EIF4B: variants seen among roughly 807,000 people sequenced by gnomAD.
EIF4B encodes the protein eukaryotic translation initiation factor 4B.
Under a neutral mutation model 79.3 loss-of-function variants are expected in EIF4B, and 8 were observed. That is an observed-to-expected ratio of 0.10 (90% CI 0.06 to 0.18). The LOEUF is 0.18. Among genes scored for constraint, EIF4B ranks in the 10% least tolerant of loss-of-function variants. The probability of loss-of-function intolerance (pLI) is 1.00; values close to 1 mark genes in which losing one functional copy is unlikely to be tolerated. For missense variants in EIF4B, 515 were observed against 792.4 expected, an observed-to-expected ratio of 0.65 and a Z score of 4.20; for synonymous variants, 238 against 274.7, an observed-to-expected ratio of 0.87 and a Z score of 1.32.
At chr12:53,019,675 C>CCT (rs1943216434) in intron 3 of EIF4B, among the ~76,000 whole-genome samples, 1 of 132,340 alleles carries the variant, frequency 7.6e-6, no homozygotes. Flanking sequence ...CTGAATTAAT[C>CCT]TTTTTTTTTT....
At chr12:53,006,872 C>G (rs1242814468) in intron 1 of EIF4B, among the ~76,000 whole-genome samples, 1 of 150,452 alleles carries the variant, frequency 6.6e-6, no homozygotes, top group African/African-American at 2.4e-5. Context: ...GGTTGCTGCG[C>G]GGACGAGTGC....
intron 1 of EIF4B, 78 bp from the exon 2 acceptor site, chr12:53,016,395 G>C: frequency 6.4e-7 from 1 of 1,566,646 alleles, no homozygotes; most frequent in Non-Finnish European, 8.7e-7. Context: ...TCTAAATAAT[G>C]TTTTACAATA....
intron 13 of EIF4B, 109 bp from the exon 14 acceptor site, chr12:53,039,520 GA>G (rs1943594301): frequency 7.6e-7 from 1 of 1,320,148 alleles, no homozygotes; most frequent in South Asian, 1.3e-5. Flanking sequence ...AGACAACAAG[GA>G]CTGTTGACTA....
At position 53,040,466 on chromosome 12, in the gene EIF4B, A is replaced by T; in HGVS notation, c.*243A>T. 1 of 413,368 alleles carries T rather than the reference A, an allele frequency of 2.4e-6. No homozygotes were observed. Among genetic ancestry groups the T allele is most frequent in the Non-Finnish European group, 4.4e-6 (1 of 225,424 alleles). 25.6% of individuals were successfully genotyped at this position (413,368 alleles called of 1,614,324 possible). A position where few individuals can be genotyped will look rare whatever the true frequency, so the allele number is the denominator to read the frequency against. On this transcript the variant is annotated 3_prime_UTR_variant, in exon 15 of 15. Transcript: ENST00000262056. ...AGGGACTACAGCTTTTTAGAGGAAA[A>T]GTTGTGGTGCGTTATGTCACCATGC... is the stretch of plus-strand genomic sequence containing the variant.
chr12:53,012,978 A>G (rs1240691050), intron 1 of EIF4B, among the ~76,000 whole-genome samples: 3 of 152,188 alleles, frequency 2.0e-5, no homozygotes, highest in Non-Finnish European at 4.4e-5. Context: ...TTGAAAAGAC[A>G]TTCTAAGATT....
At position 53,037,395 on chromosome 12, in the gene EIF4B, C is replaced by A. The variant is rs1331103574; in HGVS notation, c.1307-14C>A. Reference sequence around the variant, plus strand: ...GCAGCCTGATAATTTGATATTTTCACTCTGGCTTCACAGATGCACGAAGGA... The same window carrying A: ...GCAGCCTGATAATTTGATATTTTCAATCTGGCTTCACAGATGCACGAAGGA... On this transcript the variant is annotated splice_polypyrimidine_tract_variant and intron_variant, in intron 10 of 14. Coordinates refer to ENST00000262056, the MANE Select transcript of EIF4B (RefSeq NM_001417.7). 6.2e-7 allele frequency: 1 copy of A among 1,608,032 alleles called. No individual in the cohort carries two copies. Among genetic ancestry groups the A allele is most frequent in the African/African-American group, 1.3e-5 (1 of 74,802 alleles).
In EIF4B at chr12:53,040,499, A is replaced by G. The variant is rs943596226; in HGVS notation, c.*276A>G. ...TGCGTTATGTCACCATGCAGTTGCC[A>G]GTGTGATTAGTGCCTAGGGGTCTCC... is the stretch of plus-strand genomic sequence containing the variant. On this transcript the variant is annotated 3_prime_UTR_variant, in exon 15 of 15. Transcript: ENST00000262056. The G allele has an allele frequency of 3.0e-6, 1 of 337,806 alleles. No homozygotes were observed. The highest frequency in any genetic ancestry group is 5.6e-6 in the Non-Finnish European group (1 of 179,748). The allele number at this position is 337,806 out of a possible 1,614,324, so 20.9% of individuals were successfully genotyped here.
intron 4 of EIF4B, among the ~76,000 whole-genome samples, chr12:53,020,324 T>C (rs1313468679): frequency 1.3e-5 from 2 of 152,242 alleles, no homozygotes; most frequent in Non-Finnish European, 2.9e-5. Flanking sequence ...CAGTGTTGCC[T>C]CAACTCTTAT....
Position 53,034,040 on chromosome 12 carries a change from T to C in EIF4B, c.1208+6T>C, listed in dbSNP as rs750624593. On this transcript the variant is annotated splice_donor_region_variant and intron_variant, in intron 9 of 14. Transcript: ENST00000262056. ...GAACGACGGCCTCGGGAGAGGTGTG[T>C]TGTCTTGATGGATATCCCATCTAGG... 6.2e-7 allele frequency: 1 copy of C among 1,604,706 alleles called. No individual in the cohort carries two copies. Among genetic ancestry groups the C allele is most frequent in the South Asian group, 1.1e-5 (1 of 89,666 alleles).
chr12:53,038,254 T>C lies in EIF4B; in HGVS notation c.1521-102T>C, dbSNP rs751142315. The C allele has an allele frequency of 5.0e-6, 5 of 999,598 alleles. No individual in the cohort carries two copies. In the South Asian group the frequency reaches 8.0e-5, roughly 16 times the overall value. 61.9% of individuals were successfully genotyped at this position (999,598 alleles called of 1,614,324 possible). The stretch of plus-strand genomic sequence containing the variant: ...TTCCATAACATTGAGTATGATTTTG[T>C]TTTCTATAAAGCTTACCCACTGCAT... On this transcript the variant is annotated intron_variant, in intron 11 of 14. Transcript: ENST00000262056.
chr12:53,008,297 C>T (rs1040387997), intron 1 of EIF4B, among the ~76,000 whole-genome samples: 1 of 152,232 alleles, frequency 6.6e-6, no homozygotes, highest in Non-Finnish European at 1.5e-5. Flanking sequence ...ACGTCCCATT[C>T]TCTTGTTCTT....
intron 2 of EIF4B, among the ~76,000 whole-genome samples, chr12:53,017,412 G>A (rs1943166004): frequency 6.6e-6 from 1 of 152,130 alleles, no homozygotes; most frequent in Admixed American, 6.6e-5. Flanking sequence ...ATTATGGTGG[G>A]AAAATAAAGA....
chr12:53,034,839 G>A (rs1943510601), intron 10 of EIF4B, 130 bp downstream of exon 10: 4 of 938,296 alleles, frequency 4.3e-6, no homozygotes, highest in Middle Eastern at 2.2e-4. Context: ...TGGGCCGATT[G>A]GAGTTTCATA....
intron 9 of EIF4B, among the ~76,000 whole-genome samples, chr12:53,034,394 A>G (rs956250565): frequency 2.6e-5 from 4 of 152,246 alleles, no homozygotes; most frequent in Non-Finnish European, 4.4e-5. Context: ...ATTATGTAGG[A>G]TACTGTTCTT....
intron 6 of EIF4B, among the ~76,000 whole-genome samples, chr12:53,027,506 T>G (rs1943357174): frequency 6.6e-6 from 1 of 152,110 alleles, no homozygotes; most frequent in Non-Finnish European, 1.5e-5. Flanking sequence ...CTGTATTGTT[T>G]TAGTGTCTTG....
intron 6 of EIF4B, among the ~76,000 whole-genome samples, chr12:53,027,137 A>ATTTTTTTTTTTT (rs71095967): frequency 1.2e-4 from 3 of 25,744 alleles, no homozygotes; most frequent in African/African-American, 2.5e-4. Context: ...AAAAAAAAAA[A>ATTTTTTTTTTTT]TTTTTTTTTT....
At chr12:53,022,793 G>A (rs925281695) in intron 6 of EIF4B, among the ~76,000 whole-genome samples, 166 bp downstream of exon 6, 7 of 152,154 alleles carry the variant, frequency 4.6e-5, no homozygotes, top group African/African-American at 1.7e-4. Context: ...TGCAGGAAAC[G>A]AATTTGATAA....
At position 53,040,837 on chromosome 12, in the gene EIF4B, G is replaced by A. The variant is rs1207975586; in HGVS notation, c.*614G>A. 4.6e-5 allele frequency: 7 copies of A among 151,200 alleles called. No individual in the cohort carries two copies. The highest frequency in any genetic ancestry group is 6.6e-5 in the Admixed American group (1 of 15,132). 9.4% of individuals were successfully genotyped at this position (151,200 alleles called of 1,614,324 possible). On this transcript the variant is annotated 3_prime_UTR_variant, in exon 15 of 15. Coordinates refer to ENST00000262056, the MANE Select transcript of EIF4B (RefSeq NM_001417.7). ...GGGGTAGTTGGGAGTGAGACTATAGGCCATAAAGAATGGGACTGCATTGGA... is the reference window on the plus strand; with the variant it reads ...GGGGTAGTTGGGAGTGAGACTATAGACCATAAAGAATGGGACTGCATTGGA...
At chr12:53,037,658 A>C in intron 11 of EIF4B, 36 bp downstream of exon 11, 1 of 1,604,666 alleles carries the variant, frequency 6.2e-7, no homozygotes. Context: ...GGTTAACTGC[A>C]GATTCTAAAA....
Sources: gnomAD v4.1 joint callset for allele counts (sites outside exome capture counted in the v4.1 genomes callset) on GRCh38, gnomAD v4.1.1 for gene constraint, MANE v1.5 for transcripts, NCBI Gene and HGNC (gene_info 2026-07-23, HGNC 2026-07-21) for gene names.